POGLUT2: variants seen among roughly 807,000 people sequenced by gnomAD.
POGLUT2 encodes protein O-glucosyltransferase 2, also known as ER protein 58.
In POGLUT2, 47 loss-of-function variants were observed where a neutral mutation model predicts 57.6. The ratio of observed to expected loss-of-function variants is 0.82; its 90% CI spans 0.65 to 1.04. POGLUT2 has a LOEUF of 1.04. Ranked by LOEUF, POGLUT2 falls within the 50% of genes least tolerant of loss-of-function variation. The pLI is 0.00. For synonymous variants in POGLUT2, 200 were observed against 218.8 expected, an observed-to-expected ratio of 0.91 and a Z score of 0.76; for missense variants, 565 against 614.8, an observed-to-expected ratio of 0.92 and a Z score of 0.86.
In POGLUT2 at chr13:102,787,824, A is replaced by T. The variant is rs1423044459; in HGVS notation, c.1383+10T>A. ...TAAGTTACGTGATGATTTTCTTGGA[A>T]AATACTGACCTGGAAAAGTTTGAAA... On this transcript the variant is annotated intron_variant, in intron 8 of 9. Transcript: ENST00000376004. 1 of 1,484,232 alleles carries T rather than the reference A, an allele frequency of 6.7e-7. No individual in the cohort carries two copies. The highest frequency in any genetic ancestry group is 9.2e-7 in the Non-Finnish European group (1 of 1,086,190). 91.9% of individuals were successfully genotyped at this position (1,484,232 alleles called of 1,614,324 possible). A position where few individuals can be genotyped will look rare whatever the true frequency, so the allele number is the denominator to read the frequency against.
chr13:102,797,021 A>C lies in POGLUT2; in HGVS notation c.183-12T>G. On this transcript the variant is annotated splice_polypyrimidine_tract_variant and intron_variant, in intron 1 of 9. Transcript: ENST00000376004. Reference sequence around the variant, plus strand: ...GAGAAGATGTGAATCTGTGATGAAAAGGCAATGGGGGAGATAAACAGATTT... The same window carrying C: ...GAGAAGATGTGAATCTGTGATGAAACGGCAATGGGGGAGATAAACAGATTT... The C allele has an allele frequency of 6.3e-7, 1 of 1,595,278 alleles. No individual in the cohort carries two copies. Among genetic ancestry groups the C allele is most frequent in the Non-Finnish European group, 8.6e-7 (1 of 1,164,532 alleles).
At chr13:102,790,504 A>T (rs1044552285) in intron 6 of POGLUT2, among the ~76,000 whole-genome samples, 1 of 152,236 alleles carries the variant, frequency 6.6e-6, no homozygotes, top group Admixed American at 6.5e-5. Context: ...ATTCCCCACC[A>T]GAAGGCCTGG....
At chr13:102,796,309 A>AAAAT (rs869279337) in intron 2 of POGLUT2, among the ~76,000 whole-genome samples, 3,765 of 125,678 alleles carry the variant, frequency 0.03, 81 homozygotes, top group East Asian at 0.073. Context: ...AAAAAAAAAA[A>AAAAT]AAATAAATAA....
intron 9 of POGLUT2, among the ~76,000 whole-genome samples, chr13:102,784,982 AG>A (rs1437017992): frequency 6.6e-6 from 1 of 152,184 alleles, no homozygotes; most frequent in African/African-American, 2.4e-5. Flanking sequence ...CGGATTGGTG[AG>A]GGGGAACCTT....
chr13:102,798,124 C>T (rs1404301100), intron 1 of POGLUT2, among the ~76,000 whole-genome samples: 1 of 152,056 alleles, frequency 6.6e-6, no homozygotes, highest in Non-Finnish European at 1.5e-5. Flanking sequence ...AATTGAGGGC[C>T]GCACCAGAGA....
At chr13:102,787,782 C>A in intron 8 of POGLUT2, 52 bp downstream of exon 8, 1 of 948,608 alleles carries the variant, frequency 1.1e-6, no homozygotes. Context: ...ATTATTTGTT[C>A]TTAACATGTC....
At chr13:102,791,997 T>A (rs1336746131) in intron 4 of POGLUT2, 1 of 1,289,584 alleles carries the variant, frequency 7.8e-7, no homozygotes, top group African/African-American at 1.5e-5. Flanking sequence ...CACTGACCAG[T>A]CTGAGAAGCA....
intron 6 of POGLUT2, among the ~76,000 whole-genome samples, chr13:102,790,062 C>G (rs996875540): frequency 6.6e-6 from 1 of 152,210 alleles, no homozygotes; most frequent in Non-Finnish European, 1.5e-5. Flanking sequence ...TGGAGCACCC[C>G]TCCACTGAGG....
chr13:102,789,754 C>A (rs1036185112), intron 6 of POGLUT2, among the ~76,000 whole-genome samples: 1 of 152,144 alleles, frequency 6.6e-6, no homozygotes. Flanking sequence ...CGCACCACCA[C>A]GCCCAGCTAA....
Position 102,798,604 on chromosome 13 carries a change from C to A in POGLUT2, c.67G>T (p.Gly23Ter). The A allele has an allele frequency of 5.6e-6, 9 of 1,613,454 alleles. No homozygotes were observed. The highest frequency in any genetic ancestry group is 7.6e-6 in the Non-Finnish European group (9 of 1,179,640). The part of the protein sequence containing the change: ...ATVPALAETG[G>*]ERQLSPEKSE... ...TTCTCCGGGCTCAGCTGCCTTTCTC[C>A]GCCGGTCTCGGCGAGTGCTGGAACT... The change falls in exon 1 of 10, where the codon GGA becomes TGA. Residue 23 changes from glycine to a stop codon, truncating the protein, a stop_gained. Coordinates refer to ENST00000376004, the MANE Select transcript of POGLUT2 (RefSeq NM_024089.3). LOFTEE classifies it high-confidence loss of function.
At chr13:102,793,927 C>CA in intron 2 of POGLUT2, 121 bp from the exon 3 acceptor site, 1 of 815,014 alleles carries the variant, frequency 1.2e-6, no homozygotes, top group Non-Finnish European at 2.0e-6. Flanking sequence ...AGAGCATTTT[C>CA]ATTGAAAACA....
At position 102,786,233 on chromosome 13, in the gene POGLUT2, T is replaced by A; in HGVS notation, c.1490A>T (p.Lys497Met). ...DLFPCTCHRK[K>M]TKDEL ...GGCCATAAGCTCAGTTCTGGTTACC[T>A]TTTTCCTATGGCAAGTACAAGGGAA... The change falls in exon 9 of 10, where the codon AAG (lysine) becomes ATG (methionine). Residue 497 changes from lysine (K) to methionine (M), a missense_variant and splice_region_variant. Physicochemically the swap from Lys to Met is moderately conservative, Grantham distance 95 (BLOSUM62 -1). Transcript: ENST00000376004. 6.3e-7 allele frequency: 1 copy of A among 1,593,012 alleles called. No homozygotes were observed. Among genetic ancestry groups the A allele is most frequent in the Non-Finnish European group, 8.6e-7 (1 of 1,161,238 alleles).
Position 102,786,339 on chromosome 13 carries a change from C to G in POGLUT2, c.1384G>C (p.Glu462Gln). ...TCACTCACTTGTAAATTGGCATATT[C>G]CTGTTTAAGCAACAATATAAAAGCA... ...IFCYYFKLFQEYANLQVSEPQ... is the reference protein window; with the variant it reads ...IFCYYFKLFQQYANLQVSEPQ... The change falls in exon 9 of 10, where the codon GAA becomes CAA. Residue 462 changes from glutamate (E) to glutamine (Q), a missense_variant and splice_region_variant. Transcript: ENST00000376004. 1 of 1,591,176 alleles carries G rather than the reference C, an allele frequency of 6.3e-7. No individual in the cohort carries two copies. Among genetic ancestry groups the G allele is most frequent in the Non-Finnish European group, 8.6e-7 (1 of 1,159,138 alleles).
intron 9 of POGLUT2, 133 bp downstream of exon 9, chr13:102,786,099 G>A (rs993487139): frequency 9.3e-6 from 6 of 646,430 alleles, no homozygotes; most frequent in South Asian, 3.7e-5. Context: ...CTCTCTGGCA[G>A]ACTGAATTGC....
rs1247211522 is a variant in POGLUT2 at position 102,798,912 on chromosome 13, C to T, written c.-242G>A. 1 of 467,886 alleles carries T rather than the reference C, an allele frequency of 2.1e-6. No individual in the cohort carries two copies. Among genetic ancestry groups the T allele is most frequent in the Non-Finnish European group, 3.8e-6 (1 of 265,824 alleles). The allele number at this position is 467,886 out of a possible 1,614,324, so 29.0% of individuals were successfully genotyped here. On this transcript the variant is annotated 5_prime_UTR_variant, in exon 1 of 10. Coordinates refer to ENST00000376004, the MANE Select transcript of POGLUT2 (RefSeq NM_024089.3). ...GCGTTCTGCTGTCCCGGCCGAGAAC[C>T]GCGCTGCTCCTCTCTCTCAGGACAA...
intron 2 of POGLUT2, among the ~76,000 whole-genome samples, chr13:102,796,514 A>C (rs1262203870): frequency 6.6e-6 from 1 of 150,966 alleles, no homozygotes; most frequent in Non-Finnish European, 1.5e-5. Flanking sequence ...TATGAGCATG[A>C]ACACAGCTTG....
chr13:102,791,510 T>C (rs1392720649), intron 4 of POGLUT2, 80 bp from the exon 5 acceptor site: 29 of 1,336,062 alleles, frequency 2.2e-5, no homozygotes, highest in Non-Finnish European at 2.2e-5. Context: ...AAATTTGAAA[T>C]TGCATTAATG....
At chr13:102,796,309 A>AAAAAAAT (rs1555319540) in intron 2 of POGLUT2, among the ~76,000 whole-genome samples, 2 of 125,986 alleles carry the variant, frequency 1.6e-5, no homozygotes, top group Non-Finnish European at 3.2e-5. Flanking sequence ...AAAAAAAAAA[A>AAAAAAAT]AAATAAATAA....
At chr13:102,790,216 C>T (rs888693063) in intron 6 of POGLUT2, among the ~76,000 whole-genome samples, 1 of 152,198 alleles carries the variant, frequency 6.6e-6, no homozygotes, top group South Asian at 2.1e-4. Context: ...CAAAACCCAT[C>T]AAAAGAAAAT....
Sources: gnomAD v4.1 joint callset for allele counts (sites outside exome capture counted in the v4.1 genomes callset) on GRCh38, gnomAD v4.1.1 for gene constraint, MANE v1.5 for transcripts, NCBI Gene and HGNC (gene_info 2026-07-23, HGNC 2026-07-21) for gene names.